The following SHQ1 variants were observed in gnomAD, a reference collection of about 807,000 sequenced individuals.
SHQ1 encodes the protein SHQ1, H/ACA ribonucleoprotein assembly factor.
Under a neutral mutation model 53.8 loss-of-function variants are expected in SHQ1, and 49 were observed. That is an observed-to-expected ratio of 0.91 (90% CI 0.72 to 1.16). The LOEUF is 1.16. Among genes scored for constraint, SHQ1 ranks in the 50% most tolerant of loss-of-function variants. The pLI, the probability that SHQ1 is intolerant of heterozygous loss-of-function variation, is 0.00. For missense variants in SHQ1, 738 were observed against 683.1 expected (o/e 1.08, Z -0.90); for synonymous variants, 243 against 251.0 (o/e 0.97, Z 0.30).
intron 9 of SHQ1, among the ~76,000 whole-genome samples, chr3:72,797,763 G>A (rs909194860): frequency 6.6e-6 from 1 of 152,172 alleles, no homozygotes. Flanking sequence ...AAAAGTACAT[G>A]AAAACTATTC....
At position 72,833,534 on chromosome 3, in the gene SHQ1, C is replaced by T. The variant is rs9637494; in HGVS notation, c.487-1053G>A. 5.2e-3 allele frequency among the ~76,000 whole-genome samples: 784 copies of T among 149,750 alleles called. 4 individuals carry two copies. Among genetic ancestry groups the T allele is most frequent in the Non-Finnish European group, 7.8e-3 (526 of 67,336 alleles). Reference sequence around the variant, plus strand: ...GACAGACAGATAGATGGATGATAGACAGATAGATAGATAGATAGATAGATA... The same window carrying T: ...GACAGACAGATAGATGGATGATAGATAGATAGATAGATAGATAGATAGATA... On this transcript the variant is annotated intron_variant, in intron 4 of 10. Transcript: ENST00000325599.
intron 1 of SHQ1, among the ~76,000 whole-genome samples, chr3:72,847,041 C>A (rs1160584435): frequency 6.6e-6 from 1 of 152,290 alleles, no homozygotes; most frequent in East Asian, 1.9e-4. Flanking sequence ...ATAGCACTCA[C>A]CACAATTAAG....
At chr3:72,748,000 A>C (rs1229012622), downstream of SHQ1, among the ~76,000 whole-genome samples, 5 of 151,794 alleles carry the variant, frequency 3.3e-5, no homozygotes, top group Non-Finnish European at 7.4e-5. Flanking sequence ...GAAAAAAAAA[A>C]ACACACACTC....
chr3:72,832,097 T>A (rs1485615396), intron 5 of SHQ1, among the ~76,000 whole-genome samples: 1 of 152,224 alleles, frequency 6.6e-6, no homozygotes, highest in Non-Finnish European at 1.5e-5. Context: ...TTCAGTATTA[T>A]ATTTTTAAGC....
intron 10 of SHQ1, among the ~76,000 whole-genome samples, chr3:72,752,489 G>A (rs1445055326): frequency 6.6e-6 from 1 of 151,988 alleles, no homozygotes; most frequent in African/African-American, 2.4e-5. Flanking sequence ...AGCATGGAGT[G>A]CTTTTTCTTT....
chr3:72,807,582 AT>A (rs1706990516), intron 9 of SHQ1, among the ~76,000 whole-genome samples: 1 of 152,186 alleles, frequency 6.6e-6, no homozygotes, highest in South Asian at 2.1e-4. Context: ...CTACAATTCA[AT>A]TTTTTTAAAA....
At chr3:72,803,981 A>G (rs1348986080) in intron 9 of SHQ1, among the ~76,000 whole-genome samples, 1 of 152,200 alleles carries the variant, frequency 6.6e-6, no homozygotes, top group Non-Finnish European at 1.5e-5. Context: ...CAGTGGCATG[A>G]TCATAGCTCA....
intron 10 of SHQ1, among the ~76,000 whole-genome samples, chr3:72,788,235 CTCTG>C (rs1271518796): frequency 8.6e-5 from 13 of 151,728 alleles, no homozygotes; most frequent in Admixed American, 7.2e-4. Flanking sequence ...TGAGGAGTGT[CTCTG>C]TCTGGCCGCC....
intron 10 of SHQ1, chr3:72,773,260 AGACAAGAAAGAGAAAGG>A: frequency 1.5e-6 from 1 of 673,342 alleles, no homozygotes; most frequent in Non-Finnish European, 2.8e-6. Flanking sequence ...AATGAGAAAG[AGACAAGAAAGAGAAAGG>A]GACAAGAAAG....
chr3:72,764,524 A>G (rs1225271401), intron 10 of SHQ1, among the ~76,000 whole-genome samples: 2 of 152,210 alleles, frequency 1.3e-5, no homozygotes, highest in Non-Finnish European at 2.9e-5. Context: ...CTACCAGAAT[A>G]CCCTTAAATG....
chr3:72,758,449 T>C (rs902741722), intron 10 of SHQ1, among the ~76,000 whole-genome samples: 4 of 152,140 alleles, frequency 2.6e-5, no homozygotes, highest in African/African-American at 9.7e-5. Flanking sequence ...GCAGAATCAT[T>C]TTCTGAAAAC....
At chr3:72,779,159 T>C (rs1235198847) in intron 10 of SHQ1, among the ~76,000 whole-genome samples, 1 of 152,230 alleles carries the variant, frequency 6.6e-6, no homozygotes, top group Non-Finnish European at 1.5e-5. Context: ...GGGCTCTGAC[T>C]AAATCATCAG....
downstream of SHQ1, among the ~76,000 whole-genome samples, chr3:72,744,927 G>GGT (rs549048511): frequency 7.0e-6 from 1 of 142,924 alleles, no homozygotes; most frequent in Non-Finnish European, 1.5e-5. Flanking sequence ...ATACATTGGG[G>GGT]GGGGGGGGTG....
intron 10 of SHQ1, among the ~76,000 whole-genome samples, chr3:72,778,836 T>C (rs17010133): frequency 0.22 from 33,997 of 152,140 alleles, 4,036 homozygotes; most frequent in Non-Finnish European, 0.24. Context: ...GCCAAAACCC[T>C]GAGATTCCTT....
At chr3:72,814,856 A>G (rs1707258987) in intron 8 of SHQ1, among the ~76,000 whole-genome samples, 1 of 152,216 alleles carries the variant, frequency 6.6e-6, no homozygotes. Flanking sequence ...GATTTAAGCT[A>G]TATGATCTAA....
At chr3:72,793,684 T>A (rs2106798479) in intron 9 of SHQ1, 1 of 152,288 alleles carries the variant, frequency 6.6e-6, no homozygotes, top group African/African-American at 2.4e-5. Context: ...TAGATAATGT[T>A]CTTCCAATTC....
At chr3:72,781,065 C>CTT (rs527930281) in intron 10 of SHQ1, among the ~76,000 whole-genome samples, 5 of 131,172 alleles carry the variant, frequency 3.8e-5, no homozygotes, top group South Asian at 2.4e-4. Flanking sequence ...TTTTTTTTTT[C>CTT]TTTTTTTTTT....
chr3:72,733,810 T>C, the SHQ1 span, among the ~76,000 whole-genome samples: 1 of 151,510 alleles, frequency 6.6e-6, no homozygotes, highest in African/African-American at 2.4e-5. Flanking sequence ...AAAATGTAAG[T>C]TTAGTTGCCA....
At chr3:72,783,858 T>C (rs921274753) in intron 10 of SHQ1, among the ~76,000 whole-genome samples, 1 of 152,068 alleles carries the variant, frequency 6.6e-6, no homozygotes, top group Non-Finnish European at 1.5e-5. Flanking sequence ...ATAACCAAAA[T>C]GTCCAAGAAA....
Sources: allele counts gnomAD v4.1 joint callset (sites outside exome capture counted in the v4.1 genomes callset), GRCh38; gene constraint gnomAD v4.1.1; transcripts MANE v1.5; gene names NCBI Gene and HGNC (gene_info 2026-07-23, HGNC 2026-07-21).